The following BIRC6 variants were observed in gnomAD, a reference collection of about 807,000 sequenced individuals.
BIRC6 encodes the protein baculoviral IAP repeat containing 6, also known as dual E2 ubiquitin-conjugating enzyme/E3 ubiquitin-protein ligase BIRC6.
In BIRC6, 98 loss-of-function variants were observed where a neutral mutation model predicts 503.3. The ratio of observed to expected loss-of-function variants is 0.19; its 90% CI spans 0.17 to 0.23. BIRC6 has a LOEUF of 0.23. BIRC6 is among the 10% of genes least tolerant of loss of function. The pLI is 1.00. For synonymous variants in BIRC6, 2,240 were observed against 2,078.7 expected (o/e 1.08, Z -2.11); for missense variants, 5,360 against 5,806.0 (o/e 0.92, Z 2.50).
At chr2:32,575,474 T>A (rs1307801022) in intron 66 of BIRC6, 108 bp downstream of exon 66, 1 of 1,039,122 alleles carries the variant, frequency 9.6e-7, no homozygotes, top group Non-Finnish European at 1.4e-6. Flanking sequence ...TAAAAGCATA[T>A]ACACCCTCGG....
At chr2:32,500,322 T>G (rs952021550) in intron 46 of BIRC6, among the ~76,000 whole-genome samples, 1 of 152,130 alleles carries the variant, frequency 6.6e-6, no homozygotes, top group South Asian at 2.1e-4. Context: ...GTTTGGTTTG[T>G]TTTCTTTTTA....
chr2:32,529,892 A>C (rs904437358), intron 60 of BIRC6, 68 bp downstream of exon 60: 3 of 1,023,854 alleles, frequency 2.9e-6, no homozygotes, highest in Non-Finnish European at 3.9e-6. Context: ...TCTATAGCTA[A>C]TGACTTAATT....
intron 1 of BIRC6, among the ~76,000 whole-genome samples, chr2:32,376,418 G>T (rs117273391): frequency 6.6e-6 from 1 of 151,952 alleles, no homozygotes; most frequent in Admixed American, 6.6e-5. Flanking sequence ...TTTTACATTT[G>T]TTTACATTTT....
At chr2:32,400,443 ATTC>A (rs1573947112) in intron 6 of BIRC6, among the ~76,000 whole-genome samples, 1 of 150,770 alleles carries the variant, frequency 6.6e-6, no homozygotes, top group East Asian at 2.0e-4. Context: ...GGTTCAAGCA[ATTC>A]TTCTGCCTCA....
At chr2:32,574,073 C>G (rs2060092293) in intron 65 of BIRC6, among the ~76,000 whole-genome samples, 1 of 151,940 alleles carries the variant, frequency 6.6e-6, no homozygotes, top group African/African-American at 2.4e-5. Context: ...TTTCATTTAG[C>G]AGCTAACCTA....
chr2:32,505,855 T>C (rs1483090704), intron 50 of BIRC6, among the ~76,000 whole-genome samples: 2 of 152,088 alleles, frequency 1.3e-5, no homozygotes, highest in Non-Finnish European at 2.9e-5. Flanking sequence ...GAAATACTCA[T>C]TTGCTTTTTT....
intron 26 of BIRC6, 83 bp downstream of exon 26, chr2:32,465,247 CGAT>C: frequency 2.9e-6 from 1 of 341,240 alleles, no homozygotes; most frequent in Non-Finnish European, 4.5e-6. Context: ...TTCTTCAGTT[CGAT>C]TTTTTTTTTT....
intron 9 of BIRC6, among the ~76,000 whole-genome samples, chr2:32,409,806 A>G (rs1190418985): frequency 6.6e-6 from 1 of 152,216 alleles, no homozygotes. Flanking sequence ...GCTTGTTTGT[A>G]GGTATTTGTG....
intron 45 of BIRC6, among the ~76,000 whole-genome samples, chr2:32,494,386 C>A (rs979333352): frequency 6.6e-6 from 1 of 151,820 alleles, no homozygotes; most frequent in East Asian, 2.0e-4. Context: ...CACCACCACA[C>A]CCAGCTAATT....
intron 45 of BIRC6, among the ~76,000 whole-genome samples, chr2:32,497,382 T>C (rs1419846461): frequency 6.6e-6 from 1 of 152,212 alleles, no homozygotes; most frequent in Non-Finnish European, 1.5e-5. Flanking sequence ...TATCAGTCCA[T>C]TTTATAACTT....
At chr2:32,567,592 A>G (rs763954093) in intron 65 of BIRC6, among the ~76,000 whole-genome samples, 2 of 152,236 alleles carry the variant, frequency 1.3e-5, no homozygotes, top group Non-Finnish European at 2.9e-5. Flanking sequence ...GTATCATGGG[A>G]TAATGGGAAA....
chr2:32,380,423 A>G (rs1007494239), intron 3 of BIRC6, 133 bp downstream of exon 3: 2 of 1,240,414 alleles, frequency 1.6e-6, no homozygotes, highest in South Asian at 2.0e-5. Flanking sequence ...GAATGTGCTT[A>G]TAAGTCATCT....
intron 21 of BIRC6, among the ~76,000 whole-genome samples, chr2:32,446,570 C>G (rs1443683655): frequency 3.3e-5 from 5 of 151,942 alleles, no homozygotes; most frequent in Non-Finnish European, 7.4e-5. Flanking sequence ...GCCTGATACC[C>G]CTCGCTTCAA....
intron 64 of BIRC6, chr2:32,548,790 T>A (rs2058237416): frequency 1.3e-5 from 2 of 152,210 alleles, no homozygotes; most frequent in Non-Finnish European, 2.9e-5. Flanking sequence ...CTCAAAAAAA[T>A]GAATAGATAA....
In BIRC6 at chr2:32,357,152, C is replaced by T. The variant is rs1211450023; in HGVS notation, c.-10C>T. On this transcript the variant is annotated 5_prime_UTR_variant, in exon 1 of 74. Transcript: ENST00000421745. The surrounding 1 kb of genome is among the most constrained non-coding windows in gnomAD (Gnocchi z 4.9). ...CCGGCTAACGCGCTCGGCTTGCCCC[C>T]TGGCCCCGGATGGTGACTGGTGGTG... 4.0e-6 allele frequency: 6 copies of T among 1,492,128 alleles called. No individual in the cohort carries two copies. The highest frequency in any genetic ancestry group is 3.9e-5 in the South Asian group (3 of 76,146). The allele number at this position is 1,492,128 out of a possible 1,614,324, so 92.4% of individuals were successfully genotyped here.
intron 53 of BIRC6, among the ~76,000 whole-genome samples, chr2:32,511,033 GTT>G (rs2054338908): frequency 6.6e-6 from 1 of 152,040 alleles, no homozygotes; most frequent in Admixed American, 6.6e-5. Flanking sequence ...TACTTCAACT[GTT>G]TTTATAATGG....
chr2:32,370,489 C>T (rs900604148), intron 1 of BIRC6, among the ~76,000 whole-genome samples: 18 of 152,250 alleles, frequency 1.2e-4, no homozygotes, highest in Admixed American at 1.0e-3. Flanking sequence ...TGTATTTTAT[C>T]ATGTGTTACC....
rs566364966 is a variant in BIRC6 at position 32,483,806 on chromosome 2, TC to T, written c.7696+1231del. Among the ~76,000 whole-genome samples, 378 of 152,182 alleles carry T rather than the reference TC, an allele frequency of 2.5e-3. 2 individuals carry two copies. Among genetic ancestry groups the T allele is most frequent in the Admixed American group, 5.6e-3 (86 of 15,280 alleles). ...CGAAGGAATATTCCACAAATAATGC[TC>T]CCCCCCAACATTTCATTCAATTAGG... On this transcript the variant is annotated intron_variant, in intron 39 of 73. Transcript: ENST00000421745.
rs1405831002 is a variant in BIRC6 at position 32,403,862 on chromosome 2, A to G, written c.1418+2239A>G. Among the ~76,000 whole-genome samples the G allele has an allele frequency of 2.0e-5, 3 of 152,098 alleles. No individual in the cohort carries two copies. In the East Asian group the frequency reaches 5.8e-4, roughly 29 times the overall value. ...GAAATTGATGAAATATAGAGTAGTC[A>G]TAATCACACTATGGGATTATGGTAA... is the stretch of plus-strand genomic sequence containing the variant. On this transcript the variant is annotated intron_variant, in intron 8 of 73. Transcript: ENST00000421745.
Sources: gnomAD v4.1 joint callset for allele counts (sites outside exome capture counted in the v4.1 genomes callset) on GRCh38, gnomAD v4.1.1 for gene constraint, Gnocchi (gnomAD v3.1) non-coding constraint, MANE v1.5 for transcripts, NCBI Gene and HGNC (gene_info 2026-07-23, HGNC 2026-07-21) for gene names.